VPS8: variants seen among roughly 807,000 people sequenced by gnomAD.
VPS8 encodes VPS8 subunit of CORVET complex.
VPS8 carries 129 observed loss-of-function variants against 216.4 expected under a neutral mutation model. The observed-to-expected ratio is 0.60, with a 90% CI of 0.52 to 0.69. The LOEUF (loss-of-function observed/expected upper bound fraction) is 0.69. Among genes scored for constraint, VPS8 ranks in the 30% least tolerant of loss-of-function variants. The pLI, the probability that VPS8 is intolerant of heterozygous loss-of-function variation, is 0.00. For synonymous variants in VPS8, 571 were observed against 565.4 expected (o/e 1.01, Z -0.14); for missense variants, 1,531 against 1,683.5 (o/e 0.91, Z 1.59).
chr3:184,876,263 C>G (rs1387960443), intron 21 of VPS8, among the ~76,000 whole-genome samples: 2 of 152,048 alleles, frequency 1.3e-5, no homozygotes, highest in South Asian at 4.1e-4. Flanking sequence ...TAGGATTCTT[C>G]ACAATACCCT....
chr3:184,881,631 A>C (rs1371126418), intron 21 of VPS8, among the ~76,000 whole-genome samples: 1 of 151,732 alleles, frequency 6.6e-6, no homozygotes, highest in African/African-American at 2.4e-5. Context: ...AATTTCTTTG[A>C]CTCTCCATAT....
chr3:184,931,710 T>C (rs77396512), intron 34 of VPS8, among the ~76,000 whole-genome samples: 4,793 of 152,246 alleles, frequency 0.031, 267 homozygotes, highest in African/African-American at 0.11. Context: ...TTGTTATATT[T>C]CTGCTAACAA....
At chr3:184,933,098 A>G (rs1203848900) in intron 34 of VPS8, among the ~76,000 whole-genome samples, 1 of 152,166 alleles carries the variant, frequency 6.6e-6, no homozygotes, top group African/African-American at 2.4e-5. Context: ...AATCCCCTAC[A>G]TTATTCTGAT....
intron 47 of VPS8, among the ~76,000 whole-genome samples, chr3:185,051,191 TCTC>T (rs978606950): frequency 6.6e-6 from 1 of 152,164 alleles, no homozygotes; most frequent in African/African-American, 2.4e-5. Context: ...GACATTAGCA[TCTC>T]CTCCTACCCT....
Position 185,024,395 on chromosome 3 carries a change from T to A in VPS8, c.4056+6T>A. ...GGGATCCCACTGCTAAAAAGGTGAG[T>A]TTGTTTTAAAGGCAAAAAACCAGTT... On this transcript the variant is annotated splice_donor_region_variant and intron_variant, in intron 46 of 47. Coordinates refer to ENST00000625842, the MANE Select transcript of VPS8 (RefSeq NM_001009921.3). 6.3e-7 allele frequency: 1 copy of A among 1,592,704 alleles called. No individual in the cohort carries two copies. The highest frequency in any genetic ancestry group is 8.6e-7 in the Non-Finnish European group (1 of 1,168,490).
At position 184,961,145 on chromosome 3, in the gene VPS8, C is replaced by T. The variant is rs141708078; in HGVS notation, c.3184-3323C>T. The stretch of plus-strand genomic sequence containing the variant: ...CCATAAAACTTAATAGACTAAATAG[C>T]AGTTGAGTAAGTTTAGCACATTCAT... On this transcript the variant is annotated intron_variant, in intron 37 of 47. Coordinates refer to ENST00000625842, the MANE Select transcript of VPS8 (RefSeq NM_001009921.3). Among the ~76,000 whole-genome samples the T allele has an allele frequency of 3.6e-3, 547 of 152,298 alleles. 3 individuals are homozygous for T. Among genetic ancestry groups the T allele is most frequent in the African/African-American group, 0.013 (525 of 41,562 alleles).
At chr3:184,875,951 C>T (rs7637746) in intron 21 of VPS8, among the ~76,000 whole-genome samples, 66,257 of 150,994 alleles carry the variant, frequency 0.44, 15,475 homozygotes, top group East Asian at 0.67. Context: ...GATCACGGCA[C>T]TGCACTCCAA....
At chr3:185,023,424 G>T (rs1004844573) in intron 45 of VPS8, among the ~76,000 whole-genome samples, 1 of 152,044 alleles carries the variant, frequency 6.6e-6, no homozygotes. Flanking sequence ...TTGGCTGGAC[G>T]CAGCTCATGC....
intron 25 of VPS8, among the ~76,000 whole-genome samples, chr3:184,903,680 T>C (rs1472289993): frequency 6.6e-6 from 1 of 152,138 alleles, no homozygotes; most frequent in Non-Finnish European, 1.5e-5. Context: ...ACTCCTGGCC[T>C]CAAGCAATCC....
chr3:184,968,848 T>C (rs1319637425), intron 39 of VPS8, among the ~76,000 whole-genome samples: 2 of 152,222 alleles, frequency 1.3e-5, no homozygotes, highest in African/African-American at 4.8e-5. Flanking sequence ...CGCATTTCAC[T>C]AACATACCAT....
In VPS8 at chr3:184,886,154, A is replaced by G. The variant is rs760748229; in HGVS notation, c.1779A>G (p.Arg593=). 1.2e-6 allele frequency: 2 copies of G among 1,607,886 alleles called. No individual in the cohort carries two copies. The highest frequency in any genetic ancestry group is 1.7e-5 in the Admixed American group (1 of 59,296). The change falls in exon 22 of 48, where the codon CGA becomes CGG. Residue 593 remains arginine (R), a splice_region_variant and synonymous_variant. Transcript: ENST00000625842. ...TTGATTACTGCCTTCTGCTGCAGCGAAAGTGAGTATGCGTTGCCTGTCACA... is the reference window on the plus strand; with the variant it reads ...TTGATTACTGCCTTCTGCTGCAGCGGAAGTGAGTATGCGTTGCCTGTCACA... ...VIVDYCLLLQ[R]KDLLFSQMYD...
At chr3:184,980,086 A>G (rs1469461268) in intron 40 of VPS8, among the ~76,000 whole-genome samples, 2 of 152,046 alleles carry the variant, frequency 1.3e-5, no homozygotes, top group Non-Finnish European at 2.9e-5. Context: ...TTTGGGTTGG[A>G]ATTTTTTTCT....
At chr3:184,848,564 CTTTT>C (rs35715889) in intron 8 of VPS8, among the ~76,000 whole-genome samples, 4 of 87,202 alleles carry the variant, frequency 4.6e-5, no homozygotes, top group South Asian at 7.4e-4. Context: ...TTCCTGTATT[CTTTT>C]TTTTTTTTTT....
At chr3:184,968,456 A>G (rs1018700705) in intron 39 of VPS8, among the ~76,000 whole-genome samples, 5 of 152,222 alleles carry the variant, frequency 3.3e-5, no homozygotes, top group African/African-American at 9.6e-5. Flanking sequence ...GAATGGCCAT[A>G]CTGTTTTCCC....
chr3:185,023,686 A>G (rs1216768476), intron 45 of VPS8, among the ~76,000 whole-genome samples: 1 of 152,120 alleles, frequency 6.6e-6, no homozygotes, highest in Non-Finnish European at 1.5e-5. Flanking sequence ...TTAAAAAAAA[A>G]ATGTAGTGCT....
chr3:184,849,893 A>G, intron 9 of VPS8, 43 bp from the exon 10 acceptor site: 1 of 1,500,444 alleles, frequency 6.7e-7, no homozygotes, highest in Non-Finnish European at 9.2e-7. Context: ...AGTCCAAAAA[A>G]AGAGCAATAA....
At chr3:185,047,702 A>G (rs1713250430) in intron 46 of VPS8, among the ~76,000 whole-genome samples, 1 of 152,212 alleles carries the variant, frequency 6.6e-6, no homozygotes, top group African/African-American at 2.4e-5. Context: ...AATTTTTGGT[A>G]ATCTCAAAAG....
chr3:184,970,208 G>A (rs1240283799), intron 39 of VPS8, among the ~76,000 whole-genome samples: 2 of 152,054 alleles, frequency 1.3e-5, no homozygotes, highest in Admixed American at 6.6e-5. Context: ...CACCACGACC[G>A]GCCCCATCTA....
chr3:184,966,594 A>G (rs1490814926), intron 38 of VPS8, 77 bp from the exon 39 acceptor site: 5 of 1,010,030 alleles, frequency 5.0e-6, no homozygotes, highest in Non-Finnish European at 7.2e-6. Flanking sequence ...TACCTTTAAA[A>G]TATGTTAATT....
Sources: gnomAD v4.1 joint callset for allele counts (sites outside exome capture counted in the v4.1 genomes callset) on GRCh38, gnomAD v4.1.1 for gene constraint, MANE v1.5 for transcripts, NCBI Gene and HGNC (gene_info 2026-07-23, HGNC 2026-07-21) for gene names.